The following SNX31 variants were observed in gnomAD, a reference collection of about 807,000 sequenced individuals.
The protein encoded by SNX31 is sorting nexin-31.
Under a neutral mutation model 65.4 loss-of-function variants are expected in SNX31, and 58 were observed. The observed-to-expected ratio is 0.89, with a 90% confidence interval of 0.72 to 1.10. The LOEUF (loss-of-function observed/expected upper bound fraction) is 1.10, where lower values mean the gene tolerates loss of function less well. Ranked by LOEUF, SNX31 falls within the 50% of genes least tolerant of loss-of-function variation. The probability of loss-of-function intolerance (pLI) is 0.00; values close to 1 mark genes in which losing one functional copy is unlikely to be tolerated. For missense variants in SNX31, 523 were observed against 529.7 expected (o/e 0.99, Z 0.12); for synonymous variants, 181 against 190.1 (o/e 0.95, Z 0.39).
Position 100,649,530 on chromosome 8 carries a change from T to A in SNX31, c.-16A>T. On this transcript the variant is annotated 5_prime_UTR_variant, in exon 1 of 14. Transcript: ENST00000311812. The stretch of plus-strand genomic sequence containing the variant: ...GCATCTTCATGGCTGAGCGGTGTCT[T>A]GGGAGTAGCGCTGGGAACCCGACCT... 1 of 1,558,816 alleles carries A rather than the reference T, an allele frequency of 6.4e-7. No homozygotes were observed. The highest frequency in any genetic ancestry group is 8.7e-7 in the Non-Finnish European group (1 of 1,151,890).
chr8:100,640,029 A>G (rs568227825), intron 2 of SNX31, among the ~76,000 whole-genome samples: 1 of 149,584 alleles, frequency 6.7e-6, no homozygotes, highest in Admixed American at 6.6e-5. Flanking sequence ...CCCAAAGTAT[A>G]AAGTGAATAT....
In SNX31 at chr8:100,629,747, G is replaced by A. The variant is rs73274543; in HGVS notation, c.321+580C>T. 6.9e-3 allele frequency among the ~76,000 whole-genome samples: 1,050 copies of A among 152,250 alleles called. 16 individuals carry two copies. The highest frequency in any genetic ancestry group is 0.024 in the African/African-American group (1,008 of 41,542). On this transcript the variant is annotated intron_variant, in intron 4 of 13. Coordinates refer to ENST00000311812, the MANE Select transcript of SNX31 (RefSeq NM_152628.4). The surrounding 1 kb of genome is among the most constrained non-coding windows in gnomAD (Gnocchi z 5.1). ...AGAATGAGTGTTGTGCTAAACAAAC[G>A]TACTTAGCAGTTTCAGCCTAGGGAG...
In SNX31 at chr8:100,630,218, G is replaced by C; in HGVS notation, c.321+109C>G. Reference sequence around the variant, plus strand: ...ATGAATATATTTTGTCCAAGTCCAGGCTCTGTGGGGCTGTGACCAGTGCAC... The same window carrying C: ...ATGAATATATTTTGTCCAAGTCCAGCCTCTGTGGGGCTGTGACCAGTGCAC... On this transcript the variant is annotated intron_variant, in intron 4 of 13. Transcript: ENST00000311812. The surrounding 1 kb of genome is among the most constrained non-coding windows in gnomAD (Gnocchi z 5.3). 10 of 951,780 alleles carry C rather than the reference G, an allele frequency of 1.1e-5. No individual in the cohort carries two copies. 59.0% of individuals were successfully genotyped at this position (951,780 alleles called of 1,614,324 possible). A position where few individuals can be genotyped will look rare whatever the true frequency, so the allele number is the denominator to read the frequency against.
In SNX31 at chr8:100,613,925, C is replaced by T. The variant is rs1015440666; in HGVS notation, c.433-840G>A. Reference sequence around the variant, plus strand: ...AACTCACTAAATCACCTCTGTACCACGCAAGGAGAGGCCTCCAAGCACTGC... The same window carrying T: ...AACTCACTAAATCACCTCTGTACCATGCAAGGAGAGGCCTCCAAGCACTGC... On this transcript the variant is annotated intron_variant, in intron 5 of 13. Coordinates refer to ENST00000311812, the MANE Select transcript of SNX31 (RefSeq NM_152628.4). The surrounding 1 kb of genome is among the most constrained non-coding windows in gnomAD (Gnocchi z 5.2). 6.6e-6 allele frequency among the ~76,000 whole-genome samples: 1 copy of T among 152,102 alleles called. No individual in the cohort carries two copies. The highest frequency in any genetic ancestry group is 1.5e-5 in the Non-Finnish European group (1 of 68,008).
chr8:100,583,939 A>T (rs528284809), intron 12 of SNX31, among the ~76,000 whole-genome samples, 172 bp downstream of exon 12: 2 of 152,224 alleles, frequency 1.3e-5, no homozygotes, highest in Non-Finnish European at 2.9e-5. Context: ...CTGCCCTGCC[A>T]TCCTGACCAC....
chr8:100,587,016 A>G (rs1205872765), intron 11 of SNX31, among the ~76,000 whole-genome samples: 1 of 152,186 alleles, frequency 6.6e-6, no homozygotes, highest in African/African-American at 2.4e-5. Context: ...GTAGACATGG[A>G]TAGTTGGCTA....
intron 12 of SNX31, among the ~76,000 whole-genome samples, chr8:100,581,081 A>G (rs1813454691): frequency 6.7e-6 from 1 of 148,462 alleles, no homozygotes. Context: ...GGATCGCTTG[A>G]GTTCAGGAGC....
intron 8 of SNX31, among the ~76,000 whole-genome samples, chr8:100,603,432 A>G (rs1018301210): frequency 2.7e-5 from 4 of 150,546 alleles, no homozygotes; most frequent in African/African-American, 4.9e-5. Flanking sequence ...GTTTTGTTTC[A>G]TTACCTTTTT....
intron 8 of SNX31, among the ~76,000 whole-genome samples, chr8:100,608,063 T>G (rs1015670614): frequency 5.3e-5 from 8 of 152,236 alleles, no homozygotes; most frequent in Non-Finnish European, 8.8e-5. Context: ...ATGATGACAG[T>G]GTGTCAGCTG....
rs1043632890 is a variant in SNX31, at chr8:100,625,539, G to A, written c.321+4788C>T. Among the ~76,000 whole-genome samples the A allele has an allele frequency of 1.3e-5, 2 of 152,166 alleles. No homozygotes were observed. Among genetic ancestry groups the A allele is most frequent in the South Asian group, 2.1e-4 (1 of 4,826 alleles). ...AGCACATATTTTGAAAAGTGTTAAG[G>A]TTCTGGGAAGTGACTGTTACCTCTG... On this transcript the variant is annotated intron_variant, in intron 4 of 13. Coordinates refer to ENST00000311812, the MANE Select transcript of SNX31 (RefSeq NM_152628.4). The surrounding 1 kb of genome is among the most constrained non-coding windows in gnomAD (Gnocchi z 4.2).
At chr8:100,652,315 A>G (rs1234678297), upstream of SNX31, among the ~76,000 whole-genome samples, 1 of 152,198 alleles carries the variant, frequency 6.6e-6, no homozygotes, top group Non-Finnish European at 1.5e-5. Flanking sequence ...TTAAATAAAC[A>G]TTTATGATGC....
At chr8:100,652,316 T>C (rs923907398), upstream of SNX31, among the ~76,000 whole-genome samples, 2 of 152,208 alleles carry the variant, frequency 1.3e-5, no homozygotes, top group Non-Finnish European at 2.9e-5. Flanking sequence ...TAAATAAACA[T>C]TTATGATGCT....
intron 2 of SNX31, among the ~76,000 whole-genome samples, chr8:100,643,291 C>CCTTT (rs1426465014): frequency 6.6e-6 from 1 of 152,198 alleles, no homozygotes; most frequent in Admixed American, 6.5e-5. Context: ...CATGAAGAGG[C>CCTTT]CTTTACAGGC....
At chr8:100,577,540 A>C (rs1813148888) in intron 12 of SNX31, among the ~76,000 whole-genome samples, 1 of 152,264 alleles carries the variant, frequency 6.6e-6, no homozygotes, top group Non-Finnish European at 1.5e-5. Flanking sequence ...ATATACCAGC[A>C]GGAAACAGAT....
chr8:100,618,051 C>A (rs902181917), intron 4 of SNX31: 12 of 984,000 alleles, frequency 1.2e-5, no homozygotes, highest in Non-Finnish European at 1.4e-5. Flanking sequence ...CAGGCCTGAG[C>A]CACCACGCCC....
intron 8 of SNX31, among the ~76,000 whole-genome samples, chr8:100,607,998 GA>G (rs1304164931): frequency 1.3e-5 from 2 of 152,178 alleles, no homozygotes; most frequent in African/African-American, 4.8e-5. Context: ...ATGCTAGAGT[GA>G]GATTTAAGGA....
chr8:100,615,893 C>T (rs1817142011), intron 5 of SNX31, among the ~76,000 whole-genome samples: 1 of 152,152 alleles, frequency 6.6e-6, no homozygotes. Flanking sequence ...CCTCAGCCTC[C>T]TGAGTAGCTG....
intron 10 of SNX31, among the ~76,000 whole-genome samples, chr8:100,592,270 T>TACAAC (rs1336821038): frequency 6.6e-6 from 1 of 151,748 alleles, no homozygotes; most frequent in African/African-American, 2.4e-5. Context: ...AGATGAAAAA[T>TACAAC]ACAACACTAG....
chr8:100,641,509 C>G (rs1283675618), intron 2 of SNX31, among the ~76,000 whole-genome samples: 1 of 131,532 alleles, frequency 7.6e-6, no homozygotes, highest in Non-Finnish European at 1.6e-5. Flanking sequence ...CACACCACTG[C>G]GCTCCAGCCT....
Sources: allele counts gnomAD v4.1 joint callset (sites outside exome capture counted in the v4.1 genomes callset), GRCh38; gene constraint gnomAD v4.1.1; non-coding constraint Gnocchi (gnomAD v3.1); transcripts MANE v1.5; gene names NCBI Gene and HGNC (gene_info 2026-07-23, HGNC 2026-07-21).